GLYAT: variants seen among roughly 807,000 people sequenced by gnomAD.
GLYAT encodes glycine N-acyltransferase.
Under a neutral mutation model 22.8 loss-of-function variants are expected in GLYAT, and 25 were observed. The observed-to-expected ratio is 1.09, with a 90% CI of 0.80 to 1.53. The LOEUF is 1.53. GLYAT is among the 40% of genes most tolerant of loss of function. The pLI, the probability that GLYAT is intolerant of heterozygous loss-of-function variation, is 0.00. For missense variants in GLYAT, 411 were observed against 353.9 expected (o/e 1.16, Z -1.29); for synonymous variants, 140 against 122.7 (o/e 1.14, Z -0.93).
At chr11:58,712,490 C>A (rs911230626) in intron 4 of GLYAT, among the ~76,000 whole-genome samples, 2 of 152,140 alleles carry the variant, frequency 1.3e-5, no homozygotes, top group Non-Finnish European at 2.9e-5. Flanking sequence ...AGCATCCAAT[C>A]ACCCTAAAAG....
Position 58,709,692 on chromosome 11 carries a change from C to G in GLYAT, c.*74G>C. 1 of 1,463,076 alleles carries G rather than the reference C, an allele frequency of 6.8e-7. No homozygotes were observed. The highest frequency in any genetic ancestry group is 1.3e-5 in the South Asian group (1 of 74,838). 90.6% of individuals were successfully genotyped at this position (1,463,076 alleles called of 1,614,324 possible). A position where few individuals can be genotyped will look rare whatever the true frequency, so the allele number is the denominator to read the frequency against. On this transcript the variant is annotated 3_prime_UTR_variant, in exon 6 of 6. Transcript: ENST00000344743. ...TACTGCTGATTACAATTTATTATTT[C>G]TTTTCATCCACCATCCACTCCTCAA...
chr11:58,725,657 C>T (rs1056096386), intron 1 of GLYAT, among the ~76,000 whole-genome samples: 4 of 152,028 alleles, frequency 2.6e-5, no homozygotes, highest in African/African-American at 7.2e-5. Context: ...TTTGGGGTAG[C>T]AGTAAATGTT....
chr11:58,710,579 A>T lies in GLYAT; in HGVS notation c.488+11T>A. 1 of 1,585,926 alleles carries T rather than the reference A, an allele frequency of 6.3e-7. No homozygotes were observed. The highest frequency in any genetic ancestry group is 1.1e-5 in the South Asian group (1 of 90,636). On this transcript the variant is annotated intron_variant, in intron 5 of 5. Coordinates refer to ENST00000344743, the MANE Select transcript of GLYAT (RefSeq NM_201648.3). ...GTGTGAGTGGTATAGACTGGATTTT[A>T]TCAAACTCACATGGCCTTGGGTTTG...
At chr11:58,715,493 G>T in intron 2 of GLYAT, 70 bp from the exon 3 acceptor site, 1 of 705,960 alleles carries the variant, frequency 1.4e-6, no homozygotes, top group Non-Finnish European at 2.5e-6. Flanking sequence ...TGCTTGATTA[G>T]GACAAAAATT....
intron 2 of GLYAT, among the ~76,000 whole-genome samples, chr11:58,718,661 T>C (rs116502147): frequency 0.018 from 2,739 of 151,932 alleles, 74 homozygotes; most frequent in African/African-American, 0.062. Flanking sequence ...AAAGACACAA[T>C]TGACAAGAAA....
chr11:58,709,940 G>T lies in GLYAT; in HGVS notation c.717C>A (p.Leu239=), dbSNP rs766948244. 5.0e-6 allele frequency: 8 copies of T among 1,614,028 alleles called. No individual in the cohort carries two copies. In the Admixed American group the frequency reaches 1.3e-4, roughly 27 times the overall value. ...AGATGACATACGTCACAAGGCCATG[G>T]AGCCGGTATTCCGGCAAGGTGCCTG... is the stretch of plus-strand genomic sequence containing the variant. ...RMAGTLPEYR[L]HGLVTYVIYS... is the part of the protein sequence containing the mutation. Residue 239 remains leucine (L), a synonymous_variant, in exon 6 of 6, where the codon CTC becomes CTA. Coordinates refer to ENST00000344743, the MANE Select transcript of GLYAT (RefSeq NM_201648.3).
In GLYAT at chr11:58,710,073, C is replaced by G; in HGVS notation, c.584G>C (p.Arg195Thr). 1 of 1,614,076 alleles carries G rather than the reference C, an allele frequency of 6.2e-7. No individual in the cohort carries two copies. Among genetic ancestry groups the G allele is most frequent in the South Asian group, 1.1e-5 (1 of 91,078 alleles). ...WHFGGNERSQ[R>T]FIERCIQTFP... is the part of the protein sequence containing the mutation. ...GGTCTGAATGCAGCGCTCAATGAAT[C>G]TCTGGCTCCTCTCATTACCACCAAA... The change falls in exon 6 of 6, where the codon AGA (arginine) becomes ACA (threonine). Residue 195 changes from arginine (R) to threonine (T), a missense_variant. Coordinates refer to ENST00000344743, the MANE Select transcript of GLYAT (RefSeq NM_201648.3).
chr11:58,723,563 T>C (rs1010352838), intron 2 of GLYAT, among the ~76,000 whole-genome samples: 3 of 152,074 alleles, frequency 2.0e-5, no homozygotes, highest in Non-Finnish European at 4.4e-5. Flanking sequence ...TGTATTTACC[T>C]GAAATGTATG....
At chr11:58,726,149 C>A (rs1435924398) in intron 1 of GLYAT, among the ~76,000 whole-genome samples, 1 of 151,966 alleles carries the variant, frequency 6.6e-6, no homozygotes, top group African/African-American at 2.4e-5. Flanking sequence ...CAGTTAACAA[C>A]CACTGGACCA....
Position 58,709,689 on chromosome 11 carries a change from T to G in GLYAT, c.*77A>C, listed in dbSNP as rs1856584707. On this transcript the variant is annotated 3_prime_UTR_variant, in exon 6 of 6. Transcript: ENST00000344743. ...CTTTACTGCTGATTACAATTTATTATTTCTTTTCATCCACCATCCACTCCT... is the reference window on the plus strand; with the variant it reads ...CTTTACTGCTGATTACAATTTATTAGTTCTTTTCATCCACCATCCACTCCT... 1 of 1,450,846 alleles carries G rather than the reference T, an allele frequency of 6.9e-7. No individual in the cohort carries two copies. Among genetic ancestry groups the G allele is most frequent in the African/African-American group, 1.4e-5 (1 of 70,554 alleles). The allele number at this position is 1,450,846 out of a possible 1,614,324, so 89.9% of individuals were successfully genotyped here.
intron 2 of GLYAT, among the ~76,000 whole-genome samples, chr11:58,719,302 C>T (rs1439129869): frequency 6.6e-6 from 1 of 151,938 alleles, no homozygotes; most frequent in African/African-American, 2.4e-5. Context: ...ATAAAAACAG[C>T]ATGAAGCTAA....
Position 58,724,529 on chromosome 11 carries a change from G to C in GLYAT, c.-15-18C>G, listed in dbSNP as rs771657261. The C allele has an allele frequency of 7.5e-7, 1 of 1,337,306 alleles. No individual in the cohort carries two copies. The allele number at this position is 1,337,306 out of a possible 1,614,324, so 82.8% of individuals were successfully genotyped here. A position where few individuals can be genotyped will look rare whatever the true frequency, so the allele number is the denominator to read the frequency against. On this transcript the variant is annotated intron_variant, in intron 1 of 5. Coordinates refer to ENST00000344743, the MANE Select transcript of GLYAT (RefSeq NM_201648.3). The stretch of plus-strand genomic sequence containing the variant: ...ACCTTAGCCTAGAAAGACAACCAAG[G>C]AACATACAGGATTGAGAAAAGCTAG...
chr11:58,716,823 G>C (rs905067288), intron 2 of GLYAT, among the ~76,000 whole-genome samples: 1 of 152,032 alleles, frequency 6.6e-6, no homozygotes, highest in African/African-American at 2.4e-5. Flanking sequence ...AAGGTGGCTG[G>C]GCACAGCTTG....
intron 2 of GLYAT, among the ~76,000 whole-genome samples, chr11:58,721,728 T>C (rs1307727710): frequency 6.6e-6 from 1 of 152,086 alleles, no homozygotes; most frequent in Non-Finnish European, 1.5e-5. Context: ...CATTGCTCTT[T>C]CAGTTTGGTC....
At chr11:58,730,559 C>A (rs1005046397) in intron 1 of GLYAT, among the ~76,000 whole-genome samples, 1 of 152,176 alleles carries the variant, frequency 6.6e-6, no homozygotes. Flanking sequence ...TGACCACAGT[C>A]TCACAGAGTG....
intron 1 of GLYAT, among the ~76,000 whole-genome samples, chr11:58,729,386 T>C (rs985570824): frequency 9.2e-5 from 14 of 152,228 alleles, no homozygotes; most frequent in African/African-American, 3.4e-4. Flanking sequence ...TAACTTGTTA[T>C]GTTGGGTTAA....
At chr11:58,722,222 G>C (rs892211479) in intron 2 of GLYAT, among the ~76,000 whole-genome samples, 1 of 151,954 alleles carries the variant, frequency 6.6e-6, no homozygotes. Flanking sequence ...ATTTGTCAAA[G>C]GTCAGGGGCA....
rs142279294 is a variant in GLYAT at position 58,709,926 on chromosome 11, G to C, written c.731C>G (p.Thr244Arg). 4 of 1,614,068 alleles carry C rather than the reference G, an allele frequency of 2.5e-6. No homozygotes were observed. Among genetic ancestry groups the C allele is most frequent in the Non-Finnish European group, 3.4e-6 (4 of 1,179,968 alleles). The change falls in exon 6 of 6, where the codon ACG (threonine) becomes AGG (arginine). Residue 244 changes from threonine to arginine, a missense_variant. Coordinates refer to ENST00000344743, the MANE Select transcript of GLYAT (RefSeq NM_201648.3). The stretch of plus-strand genomic sequence containing the variant: ...CTGGGCGTGGGAATAGATGACATAC[G>C]TCACAAGGCCATGGAGCCGGTATTC... ...LPEYRLHGLV[T>R]YVIYSHAQKL...
intron 2 of GLYAT, among the ~76,000 whole-genome samples, chr11:58,719,298 A>G (rs113190420): frequency 6.6e-6 from 1 of 151,976 alleles, no homozygotes; most frequent in Non-Finnish European, 1.5e-5. Context: ...CCCAATAAAA[A>G]CAGCATGAAG....
Sources: gnomAD v4.1 joint callset for allele counts (sites outside exome capture counted in the v4.1 genomes callset) on GRCh38, gnomAD v4.1.1 for gene constraint, MANE v1.5 for transcripts, NCBI Gene and HGNC (gene_info 2026-07-23, HGNC 2026-07-21) for gene names.